Variants in STAT5A observed in about 807,000 individuals in gnomAD.
The protein encoded by STAT5A is signal transducer and activator of transcription 5A.
In STAT5A, 26 loss-of-function variants were observed where a neutral mutation model predicts 100.2. The ratio of observed to expected loss-of-function variants is 0.26; its 90% confidence interval spans 0.19 to 0.36. The LOEUF is 0.36. Among genes scored for constraint, STAT5A ranks in the 10% least tolerant of loss-of-function variants. STAT5A has a pLI of 1.00. For synonymous variants in STAT5A, 330 were observed against 424.3 expected (o/e 0.78, Z 2.73); for missense variants, 634 against 1,027.5 (o/e 0.62, Z 5.24).
intron 12 of STAT5A, chr17:42,306,035 C>A: frequency 1.2e-6 from 1 of 832,842 alleles, no homozygotes; most frequent in South Asian, 1.7e-5. Context: ...GCCCCCACCC[C>A]CTGCATCGGT....
intron 4 of STAT5A, 74 bp from the exon 5 acceptor site, chr17:42,295,545 T>C (rs957134788): frequency 2.4e-5 from 36 of 1,511,504 alleles, no homozygotes; most frequent in African/African-American, 2.8e-5. Context: ...GTCTGTAGTA[T>C]TGGTGTTTCC....
intron 4 of STAT5A, 106 bp downstream of exon 4, chr17:42,292,167 C>T (rs1463761720): frequency 7.3e-7 from 1 of 1,375,502 alleles, no homozygotes; most frequent in South Asian, 1.2e-5. Flanking sequence ...AGGAGAGCAC[C>T]AAGAAGATGA....
intron 4 of STAT5A, among the ~76,000 whole-genome samples, chr17:42,294,677 G>A (rs750082455): frequency 1.3e-5 from 2 of 152,200 alleles, no homozygotes; most frequent in Non-Finnish European, 2.9e-5. Context: ...AAGTGCAAGG[G>A]CCCCAGGGCA....
At chr17:42,291,908 T>G in intron 3 of STAT5A, 64 bp from the exon 4 acceptor site, 1 of 1,573,820 alleles carries the variant, frequency 6.4e-7, no homozygotes, top group Non-Finnish European at 8.7e-7. Flanking sequence ...GGGCTGGGCA[T>G]AGCATGGGGC....
chr17:42,300,652 T>C (rs2144532283), intron 7 of STAT5A, 63 bp from the exon 8 acceptor site: 1 of 1,613,218 alleles, frequency 6.2e-7, no homozygotes, highest in East Asian at 2.2e-5. Context: ...AGCTGTGTCT[T>C]GGGGCCTGGC....
chr17:42,295,394 G>A (rs957721796), intron 4 of STAT5A, among the ~76,000 whole-genome samples: 5 of 152,232 alleles, frequency 3.3e-5, no homozygotes, highest in Admixed American at 1.3e-4. Flanking sequence ...ACTATCTGCC[G>A]TTATCTGCCA....
At chr17:42,302,220 G>A (rs1037235965) in intron 9 of STAT5A, among the ~76,000 whole-genome samples, 3 of 152,226 alleles carry the variant, frequency 2.0e-5, no homozygotes, top group Non-Finnish European at 4.4e-5. Flanking sequence ...CCTGTGCTAC[G>A]CACTGAGGAC....
chr17:42,289,504 G>A lies in STAT5A; in HGVS notation c.93G>A (p.Arg31=). The change falls in exon 2 of 19, where the codon CGG becomes CGA. Residue 31 remains arginine, a synonymous_variant. Coordinates refer to ENST00000590949, the MANE Select transcript of STAT5A (RefSeq NM_001288718.2). The part of the protein sequence containing the change: ...LYGQHFPIEV[R]HYLAQWIESQ... The stretch of plus-strand genomic sequence containing the variant: ...GCCAGCACTTCCCCATCGAGGTCCG[G>A]CACTACTTGGCCCAGTGGATTGAGA... 2 of 1,613,266 alleles carry A rather than the reference G, an allele frequency of 1.2e-6. No homozygotes were observed. The highest frequency in any genetic ancestry group is 1.1e-5 in the South Asian group (1 of 91,072).
chr17:42,295,063 C>G (rs12450822), intron 4 of STAT5A, among the ~76,000 whole-genome samples: 63 of 152,304 alleles, frequency 4.1e-4, no homozygotes, highest in Non-Finnish European at 4.7e-4. Flanking sequence ...TGCCTCCCCT[C>G]TAACTTCATT....
upstream of STAT5A, chr17:42,288,209 G>C (rs79532249): frequency 5.6e-3 from 860 of 152,296 alleles, 4 homozygotes; most frequent in Non-Finnish European, 7.8e-3. The surrounding 1 kb of genome is among the most constrained non-coding windows in gnomAD (Gnocchi z 4.8). Flanking sequence ...ACATTCCCCC[G>C]GCTATTCTGA....
rs752966031 is a variant in STAT5A at position 42,308,333 on chromosome 17, G to C, written c.2062G>C (p.Ala688Pro). The C allele has an allele frequency of 9.3e-6, 15 of 1,613,998 alleles. No individual in the cohort carries two copies. Among genetic ancestry groups the C allele is most frequent in the Non-Finnish European group, 1.3e-5 (15 of 1,180,028 alleles). The part of the protein sequence containing the change: ...VFSKYYTPVL[A>P]KAVDGYVKPQ... ...CTCCAAGTACTACACTCCTGTGCTG[G>C]GTGGGTACTGCCCCAGGACCCTGCC... The change falls in exon 16 of 19, where the codon GCT becomes CCT. Residue 688 changes from alanine (A) to proline (P), a missense_variant and splice_region_variant. Around this residue, in one of 5 missense-constraint regions of STAT5A, gnomAD observed 210 missense variants for 428.4 expected, o/e 0.49. Transcript: ENST00000590949. The surrounding 1 kb of genome is among the most constrained non-coding windows in gnomAD (Gnocchi z 4.6).
chr17:42,293,839 T>A (rs2080893942), intron 4 of STAT5A, among the ~76,000 whole-genome samples: 1 of 152,218 alleles, frequency 6.6e-6, no homozygotes, highest in Non-Finnish European at 1.5e-5. Flanking sequence ...AGGGCATGAA[T>A]CTTCTTATCA....
At chr17:42,299,016 C>T (rs377514669) in intron 5 of STAT5A, among the ~76,000 whole-genome samples, 3 of 152,004 alleles carry the variant, frequency 2.0e-5, no homozygotes, top group African/African-American at 7.3e-5. Context: ...AGTGAGCCCA[C>T]CTGGACAAAC....
intron 5 of STAT5A, among the ~76,000 whole-genome samples, chr17:42,297,297 C>T (rs1392883426): frequency 6.6e-6 from 1 of 152,230 alleles, no homozygotes; most frequent in Non-Finnish European, 1.5e-5. Flanking sequence ...CAGACTGGCC[C>T]TAGAAGAAGG....
Position 42,304,250 on chromosome 17 carries a change from G to A in STAT5A, c.1170-92G>A. On this transcript the variant is annotated intron_variant, in intron 9 of 18. Transcript: ENST00000590949. This position sits in a 1 kb window ranked among gnomAD's most constrained non-coding sequence, Gnocchi z 4.8. Reference sequence around the variant, plus strand: ...CGGGGCAGGGGCTGCTGGCAGGGCTGACCTGAGCGAAGACCCCAGCCCGAG... The same window carrying A: ...CGGGGCAGGGGCTGCTGGCAGGGCTAACCTGAGCGAAGACCCCAGCCCGAG... The A allele has an allele frequency of 1.6e-6, 2 of 1,247,962 alleles. No homozygotes were observed. The highest frequency in any genetic ancestry group is 1.8e-5 in the Admixed American group (1 of 55,020). The allele number at this position is 1,247,962 out of a possible 1,614,324, so 77.3% of individuals were successfully genotyped here.
intron 12 of STAT5A, 69 bp from the exon 13 acceptor site, chr17:42,306,172 A>G: frequency 6.2e-6 from 10 of 1,610,542 alleles, no homozygotes; most frequent in Non-Finnish European, 8.5e-6. Flanking sequence ...GTGTCTGTGT[A>G]TCTTGTGTGT....
In STAT5A at chr17:42,300,018, C is replaced by G. The variant is rs1486093302; in HGVS notation, c.682-112C>G. On this transcript the variant is annotated intron_variant, in intron 6 of 18. Transcript: ENST00000590949. ...CTTTTTTCCTGGGGGCCTTGCGAGG[C>G]AGAGCAGCTTGGGGAGAGGGAACGG... 2.5e-6 allele frequency: 3 copies of G among 1,196,168 alleles called. No homozygotes were observed. The East Asian group carries it at 7.7e-5, about 31-fold the overall frequency. The allele number at this position is 1,196,168 out of a possible 1,614,324, so 74.1% of individuals were successfully genotyped here.
At chr17:42,305,838 G>A (rs1261473682) in intron 12 of STAT5A, 136 bp downstream of exon 12, 7 of 915,316 alleles carry the variant, frequency 7.6e-6, no homozygotes, top group African/African-American at 1.7e-5. Flanking sequence ...GAGGCCAGAA[G>A]GGCTGGGGTG....
rs765699656 is a variant in STAT5A, at chr17:42,306,335, G to A, written c.1568G>A (p.Arg523Gln). The A allele has an allele frequency of 8.1e-6, 13 of 1,614,074 alleles. No individual in the cohort carries two copies. The highest frequency in any genetic ancestry group is 1.3e-5 in the African/African-American group (1 of 75,008). Residue 523 changes from arginine (R) to glutamine (Q), a missense_variant, in exon 13 of 19, where the codon CGG becomes CAG. Physicochemically the swap from Arg to Gln is conservative, Grantham distance 43. Around this residue, in one of 5 missense-constraint regions of STAT5A, gnomAD observed 210 missense variants for 428.4 expected, o/e 0.49. Transcript: ENST00000590949. The stretch of plus-strand genomic sequence containing the variant: ...TTCAAGGCCGAAGTGCAGAGCAACC[G>A]GGGCCTGACCAAGGAGAACCTCGTG... ...MKFKAEVQSN[R>Q]GLTKENLVFL...
Sources: allele counts gnomAD v4.1 joint callset (sites outside exome capture counted in the v4.1 genomes callset), GRCh38; gene constraint gnomAD v4.1.1; regional missense constraint gnomAD v4.1.1; non-coding constraint Gnocchi (gnomAD v3.1); transcripts MANE v1.5; gene names NCBI Gene and HGNC (gene_info 2026-07-23, HGNC 2026-07-21).